Variants in POC1B observed in about 807,000 individuals in gnomAD.
The protein encoded by POC1B is POC1 centriolar protein B, also known as POC1 centriolar protein homolog B.
POC1B carries 44 observed loss-of-function variants against 60.6 expected under a neutral mutation model. The observed-to-expected ratio is 0.73, with a 90% CI of 0.57 to 0.93. The LOEUF (loss-of-function observed/expected upper bound fraction) is 0.93. Ranked by LOEUF, POC1B falls within the 40% of genes least tolerant of loss-of-function variation. The probability of loss-of-function intolerance (pLI) is 0.00; values close to 1 mark genes in which losing one functional copy is unlikely to be tolerated. For missense variants in POC1B, 555 were observed against 572.3 expected (o/e 0.97, Z 0.31); for synonymous variants, 180 against 198.9 (o/e 0.90, Z 0.80).
At position 89,493,681 on chromosome 12, in the gene POC1B, C is replaced by T. The variant is rs17016954; in HGVS notation, c.273-1566G>A. ...AGAAAAGAAAAGGCATCTGCAATGA[C>T]CAGGAAGCTAAGAGACAGACCATCA... On this transcript the variant is annotated intron_variant, in intron 3 of 11. Transcript: ENST00000313546. Among the ~76,000 whole-genome samples the T allele has an allele frequency of 1.4e-3, 218 of 152,290 alleles. 5 individuals are homozygous for T. In the East Asian group the frequency reaches 0.034, roughly 24 times the overall value.
At chr12:89,408,917 G>A in the POC1B span, among the ~76,000 whole-genome samples, 1 of 152,138 alleles carries the variant, frequency 6.6e-6, no homozygotes, top group Non-Finnish European at 1.5e-5. Context: ...CTGCATAAAT[G>A]TCTTCTTTTG....
At chr12:89,483,962 C>T (rs946948051) in intron 4 of POC1B, among the ~76,000 whole-genome samples, 2 of 152,154 alleles carry the variant, frequency 1.3e-5, no homozygotes, top group African/African-American at 4.8e-5. Context: ...GGCTGCTTAA[C>T]ATATTGTGAG....
intron 9 of POC1B, among the ~76,000 whole-genome samples, chr12:89,463,832 T>A (rs1471266001): frequency 1.3e-5 from 2 of 152,174 alleles, no homozygotes; most frequent in African/African-American, 4.8e-5. Flanking sequence ...TAGTAATTTA[T>A]ACATTTAGTC....
At chr12:89,458,693 A>T (rs530924982) in intron 10 of POC1B, among the ~76,000 whole-genome samples, 184 of 152,332 alleles carry the variant, frequency 1.2e-3, no homozygotes, top group African/African-American at 4.3e-3. Flanking sequence ...AGAATTTGTA[A>T]TGTCATAATG....
At chr12:89,500,758 A>G (rs1869520578) in intron 2 of POC1B, 1 of 1,090,064 alleles carries the variant, frequency 9.2e-7, no homozygotes, top group African/African-American at 1.6e-5. Context: ...AAATAGATAG[A>G]AATAGATAAT....
intron 2 of POC1B, 118 bp downstream of exon 2, chr12:89,525,002 C>T: frequency 6.8e-7 from 1 of 1,467,662 alleles, no homozygotes; most frequent in Non-Finnish European, 9.3e-7. Context: ...TCCGGGTGCT[C>T]TCAACCCTCA....
At chr12:89,442,372 A>T (rs186885005) in intron 10 of POC1B, among the ~76,000 whole-genome samples, 290 of 152,356 alleles carry the variant, frequency 1.9e-3, no homozygotes, top group Non-Finnish European at 3.5e-3. Context: ...CAGGTTACCC[A>T]CAAAGGGAAG....
downstream of POC1B, among the ~76,000 whole-genome samples, chr12:89,418,463 C>G (rs940745497): frequency 6.6e-6 from 1 of 152,136 alleles, no homozygotes; most frequent in African/African-American, 2.4e-5. Flanking sequence ...CTGTGGCCCG[C>G]TGTGCAAGGG....
chr12:89,421,448 T>C lies in POC1B; in HGVS notation c.1333-191A>G, dbSNP rs560078143. Among the ~76,000 whole-genome samples the C allele has an allele frequency of 6.6e-5, 10 of 151,940 alleles. No homozygotes were observed. In the South Asian group the frequency reaches 1.2e-3, roughly 19 times the overall value. ...CATAGGGCAAGGCATTATCAAGCAG[T>C]TGGAGAAAAGAAAAGAAAAAGAAAA... On this transcript the variant is annotated intron_variant, in intron 11 of 11. Transcript: ENST00000313546.
rs555545835 is a variant in POC1B at position 89,438,772 on chromosome 12, T to G, written c.1114-13393A>C. 4.6e-5 allele frequency among the ~76,000 whole-genome samples: 7 copies of G among 152,366 alleles called. No homozygotes were observed. In the East Asian group the frequency reaches 1.2e-3, roughly 25 times the overall value. ...CTCAGGCAGTTGTATCTATGGTTGCTGCTTCAGTTACCACATACATGCAGA... is the reference window on the plus strand; with the variant it reads ...CTCAGGCAGTTGTATCTATGGTTGCGGCTTCAGTTACCACATACATGCAGA... On this transcript the variant is annotated intron_variant, in intron 10 of 11. Coordinates refer to ENST00000313546, the MANE Select transcript of POC1B (RefSeq NM_172240.3).
chr12:89,442,393 G>T (rs4499059), intron 10 of POC1B, among the ~76,000 whole-genome samples: 110,983 of 152,126 alleles, frequency 0.73, 40,625 homozygotes, highest in Middle Eastern at 0.82. Flanking sequence ...CCCATCAGAC[G>T]AACAGCAGAT....
intron 2 of POC1B, 37 bp from the exon 3 acceptor site, chr12:89,497,379 A>C (rs755516429): frequency 1.9e-6 from 3 of 1,571,128 alleles, no homozygotes; most frequent in Non-Finnish European, 2.6e-6. Flanking sequence ...ACTGTTTGTT[A>C]AAATGCAAAC....
intron 11 of POC1B, among the ~76,000 whole-genome samples, chr12:89,423,824 A>G (rs1025600959): frequency 6.6e-6 from 1 of 152,204 alleles, no homozygotes; most frequent in African/African-American, 2.4e-5. Context: ...ATCTGGTAAA[A>G]AGGAGGAGAA....
Position 89,467,667 on chromosome 12 carries a change from A to G in POC1B, c.829T>C (p.Ser277Pro). 6.2e-7 allele frequency: 1 copy of G among 1,612,074 alleles called. No individual in the cohort carries two copies. Among genetic ancestry groups the G allele is most frequent in the Non-Finnish European group, 8.5e-7 (1 of 1,178,632 alleles). Residue 277 changes from serine (S) to proline (P), a missense_variant, in exon 8 of 12, where the codon TCA becomes CCA. Coordinates refer to ENST00000313546, the MANE Select transcript of POC1B (RefSeq NM_172240.3). ...QGHTGPVFTVSFSKGGELFAS... is the reference protein window; with the variant it reads ...QGHTGPVFTVPFSKGGELFAS... ...AATAGCTCTCCACCTTTTGAAAATG[A>G]AACAGTAAAGACAGGTCCCTGAGAA...
intron 2 of POC1B, among the ~76,000 whole-genome samples, chr12:89,499,218 T>G (rs1280792496): frequency 6.6e-6 from 1 of 152,108 alleles, no homozygotes; most frequent in Non-Finnish European, 1.5e-5. Context: ...TAAAGTGCAA[T>G]GTGCCATTAT....
At chr12:89,512,254 T>C (rs1870226153) in intron 2 of POC1B, among the ~76,000 whole-genome samples, 1 of 152,238 alleles carries the variant, frequency 6.6e-6, no homozygotes, top group South Asian at 2.1e-4. Flanking sequence ...CTAAGCATAT[T>C]TGCTTTCTAG....
chr12:89,441,922 T>C (rs1273944722), intron 10 of POC1B, among the ~76,000 whole-genome samples: 1 of 152,054 alleles, frequency 6.6e-6, no homozygotes, highest in African/African-American at 2.4e-5. Context: ...GTTTATGACC[T>C]GATAGAGCTG....
intron 4 of POC1B, among the ~76,000 whole-genome samples, chr12:89,491,077 A>G (rs937162): frequency 1.3e-5 from 2 of 152,248 alleles, no homozygotes; most frequent in South Asian, 4.1e-4. Flanking sequence ...GGCACAAGTC[A>G]GCGCTGCTCT....
intron 4 of POC1B, among the ~76,000 whole-genome samples, chr12:89,481,645 T>G (rs1425212237): frequency 6.6e-6 from 1 of 152,164 alleles, no homozygotes; most frequent in Non-Finnish European, 1.5e-5. Context: ...AAAAAAAATT[T>G]ACAAGGAACC....
Sources: gnomAD v4.1 joint callset for allele counts (sites outside exome capture counted in the v4.1 genomes callset) on GRCh38, gnomAD v4.1.1 for gene constraint, MANE v1.5 for transcripts, NCBI Gene and HGNC (gene_info 2026-07-23, HGNC 2026-07-21) for gene names.